ARVCF: variants seen among roughly 807,000 people sequenced by gnomAD.
The protein encoded by ARVCF is splicing regulator ARVCF.
ARVCF carries 66 observed loss-of-function variants against 90.9 expected under a neutral mutation model. That is an observed-to-expected ratio of 0.73 (90% confidence interval 0.60 to 0.89). The LOEUF (loss-of-function observed/expected upper bound fraction) is 0.89, where lower values mean the gene tolerates loss of function less well. Among genes scored for constraint, ARVCF ranks in the 40% least tolerant of loss-of-function variants. The pLI, the probability that ARVCF is intolerant of heterozygous loss-of-function variation, is 0.00. For synonymous variants in ARVCF, 653 were observed against 603.4 expected, an observed-to-expected ratio of 1.08 and a Z score of -1.21; for missense variants, 1,469 against 1,382.3, an observed-to-expected ratio of 1.06 and a Z score of -1.00.
intron 2 of ARVCF, among the ~76,000 whole-genome samples, chr22:20,000,316 C>G (rs1944400942): frequency 6.6e-6 from 1 of 152,248 alleles, no homozygotes; most frequent in Non-Finnish European, 1.5e-5. Flanking sequence ...CCTTGCCGCT[C>G]CCAACCCCCT....
chr22:19,976,989 G>C (rs1210237927), intron 9 of ARVCF, among the ~76,000 whole-genome samples: 2 of 152,106 alleles, frequency 1.3e-5, no homozygotes, highest in Non-Finnish European at 2.9e-5. Context: ...CCTACACCCT[G>C]CTAGTGCAGT....
intron 16 of ARVCF, 76 bp downstream of exon 16, chr22:19,972,661 C>A (rs71313931): frequency 1.4e-6 from 2 of 1,459,532 alleles, no homozygotes; most frequent in Non-Finnish European, 1.8e-6. Context: ...ACTCCTCCTT[C>A]ACCTTCACCC....
chr22:19,977,813 G>GCCCGCC, intron 8 of ARVCF, 145 bp downstream of exon 8: 1 of 1,087,780 alleles, frequency 9.2e-7, no homozygotes, highest in Non-Finnish European at 1.3e-6. Context: ...CTTCAGTGTG[G>GCCCGCC]TCACTGCGAG....
intron 2 of ARVCF, among the ~76,000 whole-genome samples, chr22:20,007,656 G>C (rs921235377): frequency 1.3e-4 from 20 of 152,176 alleles, no homozygotes; most frequent in African/African-American, 4.8e-4. Flanking sequence ...TTGTTATCTC[G>C]GGAGCAGGTT....
chr22:19,987,261 AGGTGGGGCGTGGCGGGGGCC>A (rs1482037925), intron 3 of ARVCF: 1 of 56,634 alleles, frequency 1.8e-5, no homozygotes, highest in Non-Finnish European at 3.6e-5. Context: ...GGCCGCGCCC[AGGTGGGGCGTGGCGGGGGCC>A]GGGGTGGGCG....
chr22:19,992,563 C>T (rs373851968), intron 2 of ARVCF, among the ~76,000 whole-genome samples: 7 of 152,164 alleles, frequency 4.6e-5, no homozygotes, highest in South Asian at 2.1e-4. Flanking sequence ...ACGGCCAGGG[C>T]GGATGGCAGG....
At chr22:19,995,541 G>A (rs1944215787) in intron 2 of ARVCF, among the ~76,000 whole-genome samples, 1 of 152,178 alleles carries the variant, frequency 6.6e-6, no homozygotes, top group African/African-American at 2.4e-5. Flanking sequence ...GAGGGTAGAA[G>A]CTAAATCCTT....
chr22:20,013,964 C>T (rs1363055401), intron 1 of ARVCF, among the ~76,000 whole-genome samples: 2 of 152,018 alleles, frequency 1.3e-5, no homozygotes, highest in South Asian at 2.1e-4. Flanking sequence ...CCTCTGCCTC[C>T]CAGGTTCAGG....
At chr22:19,988,298 G>A (rs1943896051) in intron 3 of ARVCF, among the ~76,000 whole-genome samples, 1 of 152,234 alleles carries the variant, frequency 6.6e-6, no homozygotes, top group African/African-American at 2.4e-5. Context: ...CCTGTATCTT[G>A]CATCTAGGGC....
chr22:19,976,788 C>A (rs887573656), intron 9 of ARVCF, 65 bp from the exon 10 acceptor site: 3 of 1,534,978 alleles, frequency 2.0e-6, no homozygotes, highest in Admixed American at 2.0e-5. Context: ...TCATCACCCC[C>A]CCATGCCCTC....
At chr22:19,979,214 C>T (rs959414509) in intron 6 of ARVCF, 134 bp from the exon 7 acceptor site, 10 of 1,007,374 alleles carry the variant, frequency 9.9e-6, no homozygotes, top group Non-Finnish European at 1.4e-5. Flanking sequence ...TAACAAAAGC[C>T]GTGAGTGGTT....
At chr22:20,013,503 G>C (rs912698995) in intron 1 of ARVCF, among the ~76,000 whole-genome samples, 1 of 152,218 alleles carries the variant, frequency 6.6e-6, no homozygotes, top group Non-Finnish European at 1.5e-5. Context: ...CCGAGCTCCG[G>C]TCATCCAAGC....
chr22:19,992,475 C>T (rs916103151), intron 2 of ARVCF, among the ~76,000 whole-genome samples: 4 of 152,208 alleles, frequency 2.6e-5, no homozygotes, highest in African/African-American at 9.7e-5. Flanking sequence ...CCAGACCCAA[C>T]ACAGGGGAGC....
intron 3 of ARVCF, among the ~76,000 whole-genome samples, chr22:19,985,684 A>G (rs945028046): frequency 7.2e-5 from 11 of 151,906 alleles, no homozygotes; most frequent in Non-Finnish European, 1.5e-4. Context: ...GTCCCATATT[A>G]CTTATCTACC....
chr22:19,976,830 G>A (rs1431911557), intron 9 of ARVCF, 107 bp from the exon 10 acceptor site: 1 of 1,287,598 alleles, frequency 7.8e-7, no homozygotes, highest in Non-Finnish European at 1.1e-6. Flanking sequence ...TGCACACCCT[G>A]GATCAAGCAG....
chr22:19,972,349 T>C lies in ARVCF; in HGVS notation c.2695+9A>G. 2 of 1,613,700 alleles carry C rather than the reference T, an allele frequency of 1.2e-6. No homozygotes were observed. Among genetic ancestry groups the C allele is most frequent in the Non-Finnish European group, 8.5e-7 (1 of 1,179,948 alleles). ...CACAGAAAACCAACCACACTGCATC[T>C]GCACTCACCTGGGCCCAGCGCATCC... is the stretch of plus-strand genomic sequence containing the variant. On this transcript the variant is annotated intron_variant, in intron 17 of 19. Coordinates refer to ENST00000263207, the MANE Select transcript of ARVCF (RefSeq NM_001670.3).
At chr22:19,991,605 T>C (rs1555945812) in intron 2 of ARVCF, among the ~76,000 whole-genome samples, 1 of 152,220 alleles carries the variant, frequency 6.6e-6, no homozygotes, top group African/African-American at 2.4e-5. Context: ...CAGGGTGGGA[T>C]TGGGCCTGCT....
At chr22:19,987,224 G>C (rs1358839517) in intron 3 of ARVCF, 2 of 370,144 alleles carry the variant, frequency 5.4e-6, no homozygotes, top group Non-Finnish European at 9.6e-6. Flanking sequence ...ATCTGGCGGC[G>C]GTCACGGCGA....
At chr22:19,965,397 A>G (rs1016838322), downstream of ARVCF, 1 of 152,238 alleles carries the variant, frequency 6.6e-6, no homozygotes, top group Non-Finnish European at 1.5e-5. Context: ...GCTGGAGTGC[A>G]GTGGCACGAT....
Sources: allele counts gnomAD v4.1 joint callset (sites outside exome capture counted in the v4.1 genomes callset), GRCh38; gene constraint gnomAD v4.1.1; transcripts MANE v1.5; gene names NCBI Gene and HGNC (gene_info 2026-07-23, HGNC 2026-07-21).